PCSK5: variants seen among roughly 807,000 people sequenced by gnomAD.
The protein encoded by PCSK5 is proprotein convertase subtilisin/kexin type 5.
In PCSK5, 129 loss-of-function variants were observed where a neutral mutation model predicts 233.2. That is an observed-to-expected ratio of 0.55 (90% CI 0.48 to 0.64). The LOEUF (loss-of-function observed/expected upper bound fraction) is 0.64, where lower values mean the gene tolerates loss of function less well. Ranked by LOEUF, PCSK5 falls within the 30% of genes least tolerant of loss-of-function variation. The pLI, the probability that PCSK5 is intolerant of heterozygous loss-of-function variation, is 0.00. For synonymous variants in PCSK5, 825 were observed against 879.2 expected, an observed-to-expected ratio of 0.94 and a Z score of 1.09; for missense variants, 2,076 against 2,430.1, an observed-to-expected ratio of 0.85 and a Z score of 3.06.
chr9:76,239,062 C>T lies in PCSK5; in HGVS notation c.2970C>T (p.Asp990=), dbSNP rs746338939. 1.2e-6 allele frequency: 2 copies of T among 1,611,286 alleles called. No individual in the cohort carries two copies. Among genetic ancestry groups the T allele is most frequent in the Non-Finnish European group, 8.5e-7 (1 of 1,179,264 alleles). Residue 990 remains aspartate, a synonymous_variant, in exon 23 of 38, where the codon GAC becomes GAT. Transcript: ENST00000674117. Reference sequence around the variant, plus strand: ...GGAACACCTGCCTGCCCTGCCCAGACAACTGTGAGCTTTGCCACAGCGTGC... The same window carrying T: ...GGAACACCTGCCTGCCCTGCCCAGATAACTGTGAGCTTTGCCACAGCGTGC... ...TEGNTCLPCP[D]NCELCHSVHV... is the part of the protein sequence containing the mutation.
intron 17 of PCSK5, 43 bp downstream of exon 17, chr9:76,184,800 G>A: frequency 9.0e-7 from 1 of 1,112,818 alleles, no homozygotes; most frequent in Non-Finnish European, 1.3e-6. Context: ...AGCCCAAAGA[G>A]CTTCTCAATG....
At chr9:75,939,978 T>G (rs1165023035) in intron 2 of PCSK5, among the ~76,000 whole-genome samples, 2 of 152,190 alleles carry the variant, frequency 1.3e-5, no homozygotes, top group Non-Finnish European at 2.9e-5. Context: ...GTTTCTCACT[T>G]GGAAAAGCTA....
At chr9:76,117,926 C>G (rs527340831) in intron 9 of PCSK5, among the ~76,000 whole-genome samples, 2 of 152,212 alleles carry the variant, frequency 1.3e-5, no homozygotes, top group South Asian at 4.2e-4. Context: ...TATTGGAAAC[C>G]TTTGCGAACA....
chr9:76,331,183 T>C (rs968480997), intron 33 of PCSK5, among the ~76,000 whole-genome samples: 11 of 152,136 alleles, frequency 7.2e-5, no homozygotes, highest in African/African-American at 2.4e-4. Flanking sequence ...GATACTTTTT[T>C]TGGACATCGT....
At chr9:76,309,233 T>C (rs1828792434) in intron 29 of PCSK5, among the ~76,000 whole-genome samples, 1 of 152,034 alleles carries the variant, frequency 6.6e-6, no homozygotes, top group Non-Finnish European at 1.5e-5. Flanking sequence ...AGAAAAAAGT[T>C]TCTTAATCTA....
intron 28 of PCSK5, among the ~76,000 whole-genome samples, chr9:76,302,488 G>A (rs1475721655): frequency 6.6e-6 from 1 of 152,158 alleles, no homozygotes; most frequent in African/African-American, 2.4e-5. Flanking sequence ...GGCTGGCAGA[G>A]GCTATCAAGA....
At chr9:75,915,167 T>A (rs1215618566) in intron 1 of PCSK5, among the ~76,000 whole-genome samples, 1 of 152,178 alleles carries the variant, frequency 6.6e-6, no homozygotes, top group Non-Finnish European at 1.5e-5. Flanking sequence ...CTGACCGTGT[T>A]ATAATGGGGA....
chr9:76,109,328 C>T (rs931264942), intron 9 of PCSK5, among the ~76,000 whole-genome samples: 3 of 152,096 alleles, frequency 2.0e-5, no homozygotes, highest in African/African-American at 7.2e-5. Context: ...CATGCTCCCC[C>T]TCAAAGGCTA....
intron 12 of PCSK5, among the ~76,000 whole-genome samples, chr9:76,159,454 G>T (rs186104968): frequency 6.6e-6 from 1 of 152,194 alleles, no homozygotes; most frequent in African/African-American, 2.4e-5. Flanking sequence ...GCACTAACTC[G>T]TAAGGCCTCT....
intron 11 of PCSK5, 38 bp from the exon 12 acceptor site, chr9:76,158,945 T>C (rs772066997): frequency 8.7e-5 from 136 of 1,556,166 alleles, no homozygotes; most frequent in Non-Finnish European, 1.0e-4. Flanking sequence ...AGCTCTGTGA[T>C]GTCATTTGCT....
intron 27 of PCSK5, among the ~76,000 whole-genome samples, chr9:76,297,635 C>T (rs1230647730): frequency 3.3e-5 from 5 of 152,214 alleles, no homozygotes; most frequent in Non-Finnish European, 7.3e-5. Flanking sequence ...AAACAAAATC[C>T]TCTTCCTGTT....
intron 2 of PCSK5, among the ~76,000 whole-genome samples, chr9:75,947,467 G>A (rs1176524174): frequency 6.6e-6 from 1 of 151,820 alleles, no homozygotes; most frequent in Non-Finnish European, 1.5e-5. Context: ...ATATGAGTTG[G>A]CAAGCCTAGG....
At chr9:76,336,068 G>A (rs1314904979) in intron 34 of PCSK5, among the ~76,000 whole-genome samples, 2 of 152,078 alleles carry the variant, frequency 1.3e-5, no homozygotes, top group East Asian at 3.9e-4. Flanking sequence ...TGTGGGCTTT[G>A]TCAACCATTC....
intron 8 of PCSK5, among the ~76,000 whole-genome samples, chr9:76,103,747 C>T (rs1004720941): frequency 2.0e-5 from 3 of 152,164 alleles, no homozygotes; most frequent in Non-Finnish European, 4.4e-5. Flanking sequence ...TGATCTGGCT[C>T]AGGGCCTGGT....
chr9:76,172,058 G>T (rs1316266485), intron 13 of PCSK5, among the ~76,000 whole-genome samples: 2 of 152,116 alleles, frequency 1.3e-5, no homozygotes, highest in East Asian at 3.9e-4. Context: ...AATTCAGTTG[G>T]ATCTGTAGAA....
At chr9:76,225,703 T>C (rs184655737) in intron 20 of PCSK5, among the ~76,000 whole-genome samples, 47 of 152,314 alleles carry the variant, frequency 3.1e-4, no homozygotes, top group Admixed American at 8.5e-4. Flanking sequence ...AGTGACACAG[T>C]CTCAGCTTGA....
chr9:75,906,504 C>G (rs991005065), intron 1 of PCSK5, among the ~76,000 whole-genome samples: 1 of 152,132 alleles, frequency 6.6e-6, no homozygotes, highest in Non-Finnish European at 1.5e-5. Flanking sequence ...GGATTACAGG[C>G]GTGAGTCACT....
At chr9:76,019,241 C>T (rs556440096) in intron 3 of PCSK5, among the ~76,000 whole-genome samples, 1 of 145,194 alleles carries the variant, frequency 6.9e-6, no homozygotes, top group Non-Finnish European at 1.5e-5. Context: ...GTTATATTTT[C>T]ACTTAAGGAA....
intron 28 of PCSK5, among the ~76,000 whole-genome samples, chr9:76,302,603 G>C (rs1489669911): frequency 2.0e-5 from 3 of 152,142 alleles, no homozygotes; most frequent in Non-Finnish European, 4.4e-5. Context: ...AAACTAAGTG[G>C]TTACCAGCAG....
Sources: gnomAD v4.1 joint callset for allele counts (sites outside exome capture counted in the v4.1 genomes callset) on GRCh38, gnomAD v4.1.1 for gene constraint, MANE v1.5 for transcripts, NCBI Gene and HGNC (gene_info 2026-07-23, HGNC 2026-07-21) for gene names.